Variants in RHOT1 observed in about 807,000 individuals in gnomAD.
RHOT1 encodes ras homolog family member T1.
RHOT1 carries 27 observed loss-of-function variants against 95.3 expected under a neutral mutation model. The observed-to-expected ratio is 0.28, with a 90% CI of 0.21 to 0.39. The LOEUF is 0.39. RHOT1 is among the 10% of genes least tolerant of loss of function. The pLI is 1.00. For missense variants in RHOT1, 578 were observed against 786.7 expected (o/e 0.73, Z 3.17); for synonymous variants, 227 against 263.5 (o/e 0.86, Z 1.34).
chr17:32,196,906 G>T (rs745768343), intron 11 of RHOT1, among the ~76,000 whole-genome samples: 2 of 151,970 alleles, frequency 1.3e-5, no homozygotes, highest in Non-Finnish European at 2.9e-5. Flanking sequence ...GGTGAATCAC[G>T]AGGTCAGGAG....
chr17:32,175,502 C>A, intron 4 of RHOT1, 140 bp downstream of exon 4: 1 of 847,210 alleles, frequency 1.2e-6, no homozygotes, highest in South Asian at 1.6e-5. Flanking sequence ...CCCACTCTGT[C>A]ACCCAGTGCA....
At chr17:32,211,315 C>T (rs753793769) in intron 19 of RHOT1, 77 bp downstream of exon 19, 7 of 1,330,686 alleles carry the variant, frequency 5.3e-6, no homozygotes, top group Non-Finnish European at 7.0e-6. Context: ...ATTTATTATA[C>T]AGATACTCAC....
chr17:32,151,739 G>A (rs1403981119), intron 1 of RHOT1, among the ~76,000 whole-genome samples: 1 of 151,952 alleles, frequency 6.6e-6, no homozygotes, highest in African/African-American at 2.4e-5. Flanking sequence ...AAAATTAGCC[G>A]GGCATGGTGG....
intron 14 of RHOT1, 30 bp downstream of exon 14, chr17:32,201,086 A>G: frequency 7.6e-7 from 1 of 1,322,600 alleles, no homozygotes; most frequent in Non-Finnish European, 1.1e-6. Flanking sequence ...TCAGCTCATG[A>G]TTAGAGATAT....
rs1395867220 is a variant in RHOT1, at chr17:32,193,161, C to T, written c.665C>T (p.Ala222Val). 4 of 1,611,460 alleles carry T rather than the reference C, an allele frequency of 2.5e-6. No individual in the cohort carries two copies. In the East Asian group the frequency reaches 6.7e-5, roughly 27 times the overall value. The change falls in exon 10 of 20, where the codon GCT becomes GTT. Residue 222 changes from alanine to valine, a missense_variant. By Grantham distance (64) the Ala-to-Val change is moderately conservative. This residue lies in a region of RHOT1 where 227 missense variants were observed against 316.0 expected (regional missense o/e 0.72). Transcript: ENST00000545287. ...FQRICFNTPL[A>V]PQALEDVKNV... is the part of the protein sequence containing the mutation. ...AGGATTTGTTTCAACACTCCATTAG[C>T]TCCTCAAGCTCTGGAGGATGTCAAG...
chr17:32,146,889 A>AT (rs1053556698), intron 1 of RHOT1, among the ~76,000 whole-genome samples: 2 of 143,558 alleles, frequency 1.4e-5, no homozygotes, highest in African/African-American at 5.3e-5. Context: ...TGTCTGGCTA[A>AT]TTTTTGTAAA....
intron 19 of RHOT1, 89 bp from the exon 20 acceptor site, chr17:32,224,527 T>C (rs2039027693): frequency 1.2e-6 from 1 of 844,202 alleles, no homozygotes; most frequent in East Asian, 2.7e-5. Flanking sequence ...AGTGTGCTAA[T>C]ACTTCCCTAA....
chr17:32,223,180 T>C (rs1598485922), intron 19 of RHOT1, among the ~76,000 whole-genome samples: 1 of 152,068 alleles, frequency 6.6e-6, no homozygotes, highest in East Asian at 1.9e-4. Flanking sequence ...TGTAGACTTT[T>C]GTTTCTAGGG....
At position 32,176,154 on chromosome 17, in the gene RHOT1, AT is replaced by A. The variant is rs756389159; in HGVS notation, c.277-3del. 1.1e-4 allele frequency: 173 copies of A among 1,610,834 alleles called. No individual in the cohort carries two copies. Among genetic ancestry groups the A allele is most frequent in the Non-Finnish European group, 1.4e-4 (166 of 1,178,928 alleles). On this transcript the variant is annotated splice_region_variant and splice_polypyrimidine_tract_variant and intron_variant, in intron 5 of 19. Transcript: ENST00000545287. ...CATGGCTAAGCGCTTGTTAATTTTC[AT>A]TTTAGGTAACAAGTCGATGGATTCC... is the stretch of plus-strand genomic sequence containing the variant.
At chr17:32,146,754 G>A (rs961408890) in intron 1 of RHOT1, among the ~76,000 whole-genome samples, 2 of 139,844 alleles carry the variant, frequency 1.4e-5, no homozygotes, top group Non-Finnish European at 3.1e-5. Context: ...CACCGCGCCC[G>A]GCCTATTATT....
At chr17:32,183,321 G>C in intron 8 of RHOT1, 49 bp downstream of exon 8, 3 of 1,050,736 alleles carry the variant, frequency 2.9e-6, no homozygotes, top group Non-Finnish European at 3.9e-6. Context: ...AGTAACTCTA[G>C]TATGGTAGTG....
At chr17:32,212,318 G>T (rs1387618731) in intron 19 of RHOT1, among the ~76,000 whole-genome samples, 1 of 152,218 alleles carries the variant, frequency 6.6e-6, no homozygotes, top group Non-Finnish European at 1.5e-5. Flanking sequence ...GAGAGTTTCA[G>T]TGATGTTTCG....
At chr17:32,151,786 G>T (rs981299880) in intron 1 of RHOT1, among the ~76,000 whole-genome samples, 1 of 151,544 alleles carries the variant, frequency 6.6e-6, no homozygotes, top group African/African-American at 2.4e-5. Context: ...GGAGGCTGAG[G>T]CAGGAGAATT....
intron 8 of RHOT1, among the ~76,000 whole-genome samples, chr17:32,186,614 C>T (rs2036075340): frequency 1.3e-5 from 2 of 152,062 alleles, no homozygotes; most frequent in Admixed American, 6.5e-5. Flanking sequence ...ATCCGCCCGC[C>T]TCGGCCCCCC....
intron 1 of RHOT1, among the ~76,000 whole-genome samples, chr17:32,169,054 C>A (rs557623226): frequency 1.3e-5 from 2 of 152,174 alleles, no homozygotes; most frequent in Non-Finnish European, 2.9e-5. Flanking sequence ...CTCGAAGACA[C>A]CTGTTAAATC....
At chr17:32,175,828 C>CTTTTTTTG (rs1204571361) in intron 4 of RHOT1, 134 bp from the exon 5 acceptor site, 21 of 559,434 alleles carry the variant, frequency 3.8e-5, no homozygotes, top group Non-Finnish European at 1.8e-5. Flanking sequence ...CAAGCTAATT[C>CTTTTTTTG]TTTTTTTGTT....
rs113129551 is a variant in RHOT1 at position 32,164,120 on chromosome 17, G to A, written c.38-6923G>A. Among the ~76,000 whole-genome samples, 35 of 152,292 alleles carry A rather than the reference G, an allele frequency of 2.3e-4. No individual in the cohort carries two copies. In the East Asian group the frequency reaches 2.7e-3, roughly 12 times the overall value. ...CAGTGAACCAAGATCGCGCCACTGC[G>A]CGAAAAGAATAGTGCCTGGCTTATA... On this transcript the variant is annotated intron_variant, in intron 1 of 19. Transcript: ENST00000545287.
At chr17:32,218,579 A>G (rs1006915393) in intron 19 of RHOT1, among the ~76,000 whole-genome samples, 1 of 151,946 alleles carries the variant, frequency 6.6e-6, no homozygotes, top group African/African-American at 2.4e-5. Flanking sequence ...AGATCGAGAC[A>G]GTAGGATTCT....
At chr17:32,176,234 C>G in intron 6 of RHOT1, 21 bp downstream of exon 6, 1 of 1,579,246 alleles carries the variant, frequency 6.3e-7, no homozygotes, top group Non-Finnish European at 8.7e-7. Flanking sequence ...CTCTCTCAAA[C>G]TTTTTATAAT....
Sources: allele counts gnomAD v4.1 joint callset (sites outside exome capture counted in the v4.1 genomes callset), GRCh38; gene constraint gnomAD v4.1.1; regional missense constraint gnomAD v4.1.1; transcripts MANE v1.5; gene names NCBI Gene and HGNC (gene_info 2026-07-23, HGNC 2026-07-21).